The following AHCY variants were observed in gnomAD, a reference collection of about 807,000 sequenced individuals.
The protein encoded by AHCY is S-adenosyl-L-homocysteine hydrolase.
In AHCY, 24 loss-of-function variants were observed where a neutral mutation model predicts 45.4. The ratio of observed to expected loss-of-function variants is 0.53; its 90% CI spans 0.38 to 0.74. The LOEUF (loss-of-function observed/expected upper bound fraction) is 0.74, where lower values mean the gene tolerates loss of function less well. Ranked by LOEUF, AHCY falls within the 30% of genes least tolerant of loss-of-function variation. The pLI is 0.00. For synonymous variants in AHCY, 245 were observed against 235.1 expected (o/e 1.04, Z -0.39); for missense variants, 449 against 594.1 (o/e 0.76, Z 2.54).
At chr20:34,235,728 G>A in the AHCY span, among the ~76,000 whole-genome samples, 1 of 146,954 alleles carries the variant, frequency 6.8e-6, no homozygotes, top group African/African-American at 2.5e-5. Flanking sequence ...TGGCTGAAGT[G>A]GGCTCATGAT....
At chr20:34,237,892 C>A in the AHCY span, among the ~76,000 whole-genome samples, 1 of 152,038 alleles carries the variant, frequency 6.6e-6, no homozygotes, top group Non-Finnish European at 1.5e-5. Flanking sequence ...AATGCTTTTC[C>A]TGCATCAATT....
intron 1 of AHCY, among the ~76,000 whole-genome samples, chr20:34,311,131 AAAC>A (rs1414339541): frequency 4.6e-5 from 7 of 152,176 alleles, no homozygotes; most frequent in African/African-American, 7.2e-5. Context: ...AAAACAAACA[AAAC>A]AACAACAACA....
chr20:34,301,588 C>T (rs1238365531), intron 1 of AHCY, among the ~76,000 whole-genome samples: 1 of 152,210 alleles, frequency 6.6e-6, no homozygotes, highest in Admixed American at 6.5e-5. Context: ...CAAGATCTGG[C>T]ATACAGCAGG....
chr20:34,233,052 C>G, the AHCY span, among the ~76,000 whole-genome samples: 1 of 152,074 alleles, frequency 6.6e-6, no homozygotes, highest in Non-Finnish European at 1.5e-5. Flanking sequence ...GTGTCCCAAC[C>G]CAGTAGCTGT....
At chr20:34,269,965 A>C in the AHCY span, among the ~76,000 whole-genome samples, 7 of 148,804 alleles carry the variant, frequency 4.7e-5, no homozygotes, top group African/African-American at 1.5e-4. Flanking sequence ...AAAAAAAAAA[A>C]AAAAAAAAAA....
chr20:34,260,591 A>G, the AHCY span: 45 of 1,524,164 alleles, frequency 3.0e-5, 1 homozygote, highest in Non-Finnish European at 4.0e-5. Flanking sequence ...GAGATCAAGC[A>G]TGCTTCCCAG....
intron 4 of AHCY, 32 bp from the exon 5 acceptor site, chr20:34,291,563 G>A (rs2036396189): frequency 6.4e-6 from 10 of 1,573,248 alleles, no homozygotes; most frequent in Non-Finnish European, 8.8e-6. Context: ...AAGCCTCAGA[G>A]ATGCCACACC....
intron 9 of AHCY, among the ~76,000 whole-genome samples, chr20:34,281,458 G>A (rs1300998702): frequency 4.6e-5 from 7 of 152,138 alleles, no homozygotes; most frequent in African/African-American, 1.4e-4. Context: ...TGCTTCTCTG[G>A]AATTGATCTA....
chr20:34,310,210 C>A (rs1203396202), intron 1 of AHCY, among the ~76,000 whole-genome samples: 1 of 152,094 alleles, frequency 6.6e-6, no homozygotes, highest in Non-Finnish European at 1.5e-5. Context: ...CCTGCCACCA[C>A]GCCCAGCTAA....
intron 8 of AHCY, 39 bp from the exon 9 acceptor site, chr20:34,285,673 C>A: frequency 2.5e-6 from 4 of 1,605,572 alleles, no homozygotes; most frequent in Non-Finnish European, 3.4e-6. Context: ...CAGGCAGGGC[C>A]CCGCTCCCAC....
the AHCY span, among the ~76,000 whole-genome samples, chr20:34,272,822 T>C: frequency 6.6e-6 from 1 of 152,190 alleles, no homozygotes; most frequent in African/African-American, 2.4e-5. Flanking sequence ...AGGTCGAGGC[T>C]GCAGTGATTC....
chr20:34,235,977 GAAGAAGGA>G, the AHCY span, among the ~76,000 whole-genome samples: 1 of 128,748 alleles, frequency 7.8e-6, no homozygotes, highest in Non-Finnish European at 1.6e-5. Flanking sequence ...GGGAGGGAGG[GAAGAAGGA>G]AAGAAGGAAG....
chr20:34,303,317 G>A lies in AHCY; in HGVS notation c.-47C>T, dbSNP rs896229512. On this transcript the variant is annotated 5_prime_UTR_variant, in exon 1 of 10. Transcript: ENST00000217426. ...AACGGGCGAAGGGGGCTGGGCCTCA[G>A]TCTGGGAACAGGAACTGGGCGGGCA... 1.8e-5 allele frequency: 28 copies of A among 1,551,568 alleles called. No individual in the cohort carries two copies. The African/African-American group carries it at 2.0e-4, about 11-fold the overall frequency.
chr20:34,234,350 C>A, the AHCY span, among the ~76,000 whole-genome samples: 1 of 152,090 alleles, frequency 6.6e-6, no homozygotes, highest in African/African-American at 2.4e-5. Flanking sequence ...ACTAGTCAGT[C>A]CTAAGGGAAA....
At chr20:34,267,334 T>C in the AHCY span, among the ~76,000 whole-genome samples, 4 of 151,776 alleles carry the variant, frequency 2.6e-5, no homozygotes, top group African/African-American at 9.7e-5. Context: ...AGCATTTAAA[T>C]AGAGTGAAAA....
chr20:34,288,224 G>C (rs2036251528), intron 8 of AHCY, among the ~76,000 whole-genome samples: 1 of 152,218 alleles, frequency 6.6e-6, no homozygotes. Context: ...TGGGTTCATA[G>C]AGCTGCCTGT....
the AHCY span, among the ~76,000 whole-genome samples, chr20:34,256,039 T>TCATGTTCCACCCC: frequency 6.6e-6 from 1 of 152,268 alleles, no homozygotes; most frequent in Admixed American, 6.5e-5. Flanking sequence ...TGGTCCGCTT[T>TCATGTTCCACCCC]CATGTTCCAC....
chr20:34,305,354 G>A (rs999982477), upstream of AHCY, among the ~76,000 whole-genome samples: 1 of 151,924 alleles, frequency 6.6e-6, no homozygotes, highest in African/African-American at 2.4e-5. Context: ...TAAGAATTAA[G>A]GTCTTCTATG....
intron 3 of AHCY, chr20:34,293,853 C>T: frequency 1.7e-6 from 1 of 602,742 alleles, no homozygotes; most frequent in Non-Finnish European, 3.0e-6. Flanking sequence ...AGATCTTGCT[C>T]TTCCTGGTTA....
Sources: allele counts gnomAD v4.1 joint callset (sites outside exome capture counted in the v4.1 genomes callset), GRCh38; gene constraint gnomAD v4.1.1; transcripts MANE v1.5; gene names NCBI Gene and HGNC (gene_info 2026-07-23, HGNC 2026-07-21).